Variants in STXBP5L observed in about 807,000 individuals in gnomAD.
STXBP5L encodes syntaxin binding protein 5L.
A neutral mutation model predicts 144.5 loss-of-function variants in STXBP5L; 65 were observed. That is an observed-to-expected ratio of 0.45 (90% CI 0.37 to 0.55). The LOEUF (loss-of-function observed/expected upper bound fraction) is 0.55. Among genes scored for constraint, STXBP5L ranks in the 20% least tolerant of loss-of-function variants. STXBP5L has a pLI of 0.00. For synonymous variants in STXBP5L, 505 were observed against 469.6 expected, an observed-to-expected ratio of 1.08 and a Z score of -0.97; for missense variants, 1,298 against 1,405.5, an observed-to-expected ratio of 0.92 and a Z score of 1.22.
At chr3:121,098,594 G>T (rs1247131660) in intron 5 of STXBP5L, among the ~76,000 whole-genome samples, 2 of 152,174 alleles carry the variant, frequency 1.3e-5, no homozygotes, top group Non-Finnish European at 2.9e-5. Flanking sequence ...AGATTTGGAG[G>T]GGACACACAC....
intron 3 of STXBP5L, among the ~76,000 whole-genome samples, chr3:121,018,268 CA>C (rs1945284206): frequency 6.6e-6 from 1 of 152,116 alleles, no homozygotes; most frequent in Non-Finnish European, 1.5e-5. Context: ...GAATAACCAA[CA>C]CAATCTTGAA....
intron 22 of STXBP5L, among the ~76,000 whole-genome samples, chr3:121,404,520 A>C (rs2046953945): frequency 6.6e-6 from 1 of 152,124 alleles, no homozygotes; most frequent in Admixed American, 6.6e-5. Context: ...ATCTCACGCC[A>C]AGTAAAAGTC....
intron 5 of STXBP5L, among the ~76,000 whole-genome samples, chr3:121,065,631 C>T (rs74354512): frequency 0.11 from 17,011 of 152,156 alleles, 1,044 homozygotes; most frequent in Non-Finnish European, 0.14. Flanking sequence ...TGGCCTCAAA[C>T]CCCTAGGCTC....
chr3:120,938,257 A>G (rs950607336), intron 2 of STXBP5L, among the ~76,000 whole-genome samples: 1 of 151,958 alleles, frequency 6.6e-6, no homozygotes, highest in Admixed American at 6.6e-5. Flanking sequence ...TTGTCTGCTC[A>G]TTTATTTATT....
rs140549949 is a variant in STXBP5L, at chr3:121,331,381, A to T, written c.2176+12841A>T. Reference sequence around the variant, plus strand: ...GCTTAGCATGAGTGTACCTGTAGACACCCTTTCTGGAACATTTCAGGGTGA... The same window carrying T: ...GCTTAGCATGAGTGTACCTGTAGACTCCCTTTCTGGAACATTTCAGGGTGA... On this transcript the variant is annotated intron_variant, in intron 20 of 26. Coordinates refer to ENST00000471454, the MANE Select transcript of STXBP5L (RefSeq NM_001308330.2). Among the ~76,000 whole-genome samples the T allele has an allele frequency of 2.2e-3, 329 of 152,294 alleles. 4 individuals carry two copies. The highest frequency in any genetic ancestry group is 2.5e-3 in the Admixed American group (39 of 15,306).
At chr3:121,012,798 C>G (rs1944879225) in intron 3 of STXBP5L, among the ~76,000 whole-genome samples, 1 of 151,816 alleles carries the variant, frequency 6.6e-6, no homozygotes, top group South Asian at 2.1e-4. Flanking sequence ...AAGTAGGAAA[C>G]AAAGTACCTG....
intron 2 of STXBP5L, among the ~76,000 whole-genome samples, chr3:120,936,035 G>C (rs1416642455): frequency 6.6e-6 from 1 of 151,968 alleles, no homozygotes; most frequent in Admixed American, 6.6e-5. Flanking sequence ...ATAGTGCTAG[G>C]ATATTCGATT....
At chr3:121,417,405 A>G (rs114726386) in intron 25 of STXBP5L, among the ~76,000 whole-genome samples, 164 of 152,266 alleles carry the variant, frequency 1.1e-3, no homozygotes, top group African/African-American at 3.7e-3. Context: ...CCATTCCAAT[A>G]TTACATCCTT....
intron 22 of STXBP5L, 149 bp downstream of exon 22, chr3:121,381,681 C>G (rs1345918865): frequency 1.0e-6 from 1 of 978,790 alleles, no homozygotes; most frequent in Non-Finnish European, 1.4e-6. Context: ...CATCATATAC[C>G]ATCCCAACAT....
At chr3:121,010,554 C>G (rs141959262) in intron 3 of STXBP5L, among the ~76,000 whole-genome samples, 23 of 151,660 alleles carry the variant, frequency 1.5e-4, no homozygotes, top group African/African-American at 5.6e-4. Flanking sequence ...ATAGTTGACC[C>G]TTGAACAACA....
At chr3:121,193,468 C>G (rs2047789913) in intron 9 of STXBP5L, among the ~76,000 whole-genome samples, 2 of 151,634 alleles carry the variant, frequency 1.3e-5, no homozygotes, top group South Asian at 2.1e-4. Context: ...CATCCCATTA[C>G]TGGGTATGTA....
chr3:121,112,944 T>C (rs1331224575), intron 5 of STXBP5L, among the ~76,000 whole-genome samples: 1 of 152,196 alleles, frequency 6.6e-6, no homozygotes, highest in East Asian at 1.9e-4. Flanking sequence ...GCAATCATTC[T>C]AAGTAATCCT....
chr3:121,165,711 A>G (rs1229720960), intron 9 of STXBP5L, among the ~76,000 whole-genome samples: 2 of 152,078 alleles, frequency 1.3e-5, no homozygotes, highest in African/African-American at 4.8e-5. Context: ...TTCCTGTCTC[A>G]CAGATTGGAC....
At chr3:121,381,755 G>A (rs1433017351) in intron 22 of STXBP5L, among the ~76,000 whole-genome samples, 2 of 152,106 alleles carry the variant, frequency 1.3e-5, no homozygotes, top group African/African-American at 4.8e-5. Context: ...AGTAAACTGT[G>A]TAAGTGCCAA....
intron 5 of STXBP5L, among the ~76,000 whole-genome samples, chr3:121,080,027 A>C (rs142867327): frequency 1.3e-5 from 2 of 152,330 alleles, no homozygotes; most frequent in Non-Finnish European, 2.9e-5. Flanking sequence ...ATATAAATTT[A>C]GAATTGTAAT....
chr3:120,977,075 G>A (rs969488916), intron 3 of STXBP5L, among the ~76,000 whole-genome samples: 7 of 152,192 alleles, frequency 4.6e-5, no homozygotes, highest in African/African-American at 1.7e-4. Flanking sequence ...TTGGTGCAGA[G>A]CTGAGTTCAA....
At chr3:121,297,637 T>C (rs1386381656) in intron 19 of STXBP5L, among the ~76,000 whole-genome samples, 6 of 151,990 alleles carry the variant, frequency 3.9e-5, no homozygotes. Flanking sequence ...GCCTGTAGTC[T>C]CAGCTACTTG....
chr3:120,979,289 T>G (rs1941477987), intron 3 of STXBP5L, among the ~76,000 whole-genome samples: 3 of 152,184 alleles, frequency 2.0e-5, no homozygotes. Flanking sequence ...CGCCTTGCAG[T>G]TTGATCTCAG....
At chr3:121,104,369 T>C (rs1180087547) in intron 5 of STXBP5L, among the ~76,000 whole-genome samples, 1 of 152,074 alleles carries the variant, frequency 6.6e-6, no homozygotes, top group Non-Finnish European at 1.5e-5. Context: ...AATACCATCA[T>C]CATTCTTCAC....
Sources: allele counts gnomAD v4.1 joint callset (sites outside exome capture counted in the v4.1 genomes callset), GRCh38; gene constraint gnomAD v4.1.1; transcripts MANE v1.5; gene names NCBI Gene and HGNC (gene_info 2026-07-23, HGNC 2026-07-21).